The following ASIC2 variants were observed in gnomAD, a reference collection of about 807,000 sequenced individuals.
The protein encoded by ASIC2 is acid-sensing ion channel 2.
ASIC2 carries 25 observed loss-of-function variants against 57.3 expected under a neutral mutation model. That is an observed-to-expected ratio of 0.44 (90% CI 0.32 to 0.61). The LOEUF (loss-of-function observed/expected upper bound fraction) is 0.61, where lower values mean the gene tolerates loss of function less well. ASIC2 is among the 20% of genes least tolerant of loss of function. The probability of loss-of-function intolerance (pLI) is 0.06; values close to 1 mark genes in which losing one functional copy is unlikely to be tolerated. For missense variants in ASIC2, 641 were observed against 738.1 expected (o/e 0.87, Z 1.52); for synonymous variants, 319 against 307.5 (o/e 1.04, Z -0.39).
chr17:33,570,806 T>C (rs1233558859), intron 1 of ASIC2, among the ~76,000 whole-genome samples: 2 of 152,144 alleles, frequency 1.3e-5, no homozygotes, highest in Non-Finnish European at 2.9e-5. Flanking sequence ...ACCAGGCCTC[T>C]CTCTCTCTCC....
At chr17:33,750,790 A>G (rs1910406945) in intron 1 of ASIC2, among the ~76,000 whole-genome samples, 2 of 152,054 alleles carry the variant, frequency 1.3e-5, no homozygotes, top group Admixed American at 1.3e-4. Context: ...AGCTTCCTGT[A>G]TGTTTTCCTT....
intron 1 of ASIC2, among the ~76,000 whole-genome samples, chr17:33,585,643 C>T (rs946091724): frequency 3.3e-5 from 5 of 152,180 alleles, no homozygotes; most frequent in Admixed American, 1.3e-4. Context: ...TATGGGAAAC[C>T]GTGTAATGCT....
chr17:33,401,619 G>A (rs1481560645), intron 1 of ASIC2, among the ~76,000 whole-genome samples: 1 of 152,132 alleles, frequency 6.6e-6, no homozygotes, highest in African/African-American at 2.4e-5. Flanking sequence ...GGACACAAAT[G>A]GGCAAGAATT....
chr17:33,887,653 G>T (rs542788187), intron 1 of ASIC2, among the ~76,000 whole-genome samples: 2 of 152,226 alleles, frequency 1.3e-5, no homozygotes, highest in East Asian at 1.9e-4. Flanking sequence ...TTAAGTGTTG[G>T]TGCCTTATGG....
intron 1 of ASIC2, among the ~76,000 whole-genome samples, chr17:33,235,525 T>C (rs1430226760): frequency 1.3e-5 from 2 of 152,192 alleles, no homozygotes; most frequent in Non-Finnish European, 2.9e-5. Context: ...TAAGTGGTTA[T>C]GGGAGGAGTG....
intron 1 of ASIC2, among the ~76,000 whole-genome samples, chr17:33,718,555 C>T (rs1909293398): frequency 6.6e-6 from 1 of 152,078 alleles, no homozygotes; most frequent in African/African-American, 2.4e-5. Flanking sequence ...TGCTCCACTC[C>T]CACATGGTGC....
intron 1 of ASIC2, among the ~76,000 whole-genome samples, chr17:33,712,694 G>A (rs1205136551): frequency 1.5e-5 from 2 of 134,622 alleles, no homozygotes; most frequent in Admixed American, 1.7e-4. Flanking sequence ...CGCCCAGGCT[G>A]GAGTGCAGTG....
chr17:33,271,293 C>T (rs192867207), intron 1 of ASIC2, among the ~76,000 whole-genome samples: 1 of 152,320 alleles, frequency 6.6e-6, no homozygotes, highest in Admixed American at 6.5e-5. Flanking sequence ...TCAACACACT[C>T]CACTTATGCG....
intron 1 of ASIC2, among the ~76,000 whole-genome samples, chr17:33,191,080 C>T (rs1242126393): frequency 6.6e-6 from 1 of 152,114 alleles, no homozygotes; most frequent in East Asian, 1.9e-4. Flanking sequence ...ACCCATGTTT[C>T]CATCAACAGC....
chr17:33,195,326 G>A (rs9674680), intron 1 of ASIC2, among the ~76,000 whole-genome samples: 2,855 of 152,140 alleles, frequency 0.019, 91 homozygotes, highest in African/African-American at 0.065. Context: ...CTCCATATCT[G>A]CATGACCTTG....
chr17:34,144,408 C>A (rs1409096455), intron 1 of ASIC2, among the ~76,000 whole-genome samples: 1 of 152,182 alleles, frequency 6.6e-6, no homozygotes, highest in Non-Finnish European at 1.5e-5. Flanking sequence ...ATTCCCCATA[C>A]TTTCTGGGGA....
intron 1 of ASIC2, among the ~76,000 whole-genome samples, chr17:34,152,407 A>C (rs925708543): frequency 2.6e-5 from 4 of 152,192 alleles, no homozygotes; most frequent in Admixed American, 2.6e-4. Flanking sequence ...ACCACCTGTC[A>C]GCAAGAGTTA....
At chr17:34,102,026 A>G (rs1009841655) in intron 1 of ASIC2, among the ~76,000 whole-genome samples, 17 of 152,164 alleles carry the variant, frequency 1.1e-4, no homozygotes, top group African/African-American at 4.1e-4. Flanking sequence ...AAAAGTAGAT[A>G]CAGCCAGGTG....
At chr17:33,811,198 G>T (rs1250189966) in intron 1 of ASIC2, among the ~76,000 whole-genome samples, 2 of 152,150 alleles carry the variant, frequency 1.3e-5, no homozygotes, top group Non-Finnish European at 2.9e-5. Flanking sequence ...CAGCTCTTCA[G>T]CCCTGCCTGC....
chr17:33,346,253 A>G (rs1045991464), intron 1 of ASIC2, among the ~76,000 whole-genome samples: 1,399 of 126,374 alleles, frequency 0.011, 3 homozygotes, highest in Non-Finnish European at 0.016. Flanking sequence ...AAAAAAAAAA[A>G]AGAGAGAGAG....
At chr17:33,473,275 C>T (rs2141921053) in intron 1 of ASIC2, among the ~76,000 whole-genome samples, 1 of 152,338 alleles carries the variant, frequency 6.6e-6, no homozygotes, top group East Asian at 1.9e-4. Flanking sequence ...CAGCCTTCAT[C>T]CAAGCACTAA....
chr17:33,823,701 A>G (rs1220358323), intron 1 of ASIC2, among the ~76,000 whole-genome samples: 1 of 152,216 alleles, frequency 6.6e-6, no homozygotes, highest in Non-Finnish European at 1.5e-5. Flanking sequence ...GACCACCAGT[A>G]ATCCCAGACC....
At chr17:33,703,143 T>A (rs531889888) in intron 1 of ASIC2, among the ~76,000 whole-genome samples, 1 of 152,100 alleles carries the variant, frequency 6.6e-6, no homozygotes, top group Non-Finnish European at 1.5e-5. Flanking sequence ...CAAAGTTCCT[T>A]TGGTTTGTTT....
At chr17:34,023,157 T>C (rs1014618937) in intron 1 of ASIC2, among the ~76,000 whole-genome samples, 1 of 152,126 alleles carries the variant, frequency 6.6e-6, no homozygotes, top group Non-Finnish European at 1.5e-5. Flanking sequence ...CTTTACACAA[T>C]GTGAGAATGA....
Sources: gnomAD v4.1 joint callset for allele counts (sites outside exome capture counted in the v4.1 genomes callset) on GRCh38, gnomAD v4.1.1 for gene constraint, MANE v1.5 for transcripts, NCBI Gene and HGNC (gene_info 2026-07-23, HGNC 2026-07-21) for gene names.